KIR3DL2: variants seen among roughly 807,000 people sequenced by gnomAD.
KIR3DL2 encodes killer cell immunoglobulin like receptor, three Ig domains and long cytoplasmic tail 2, also known as killer cell immunoglobulin-like receptor 3DL2.
Under a neutral mutation model 41.6 loss-of-function variants are expected in KIR3DL2, and 42 were observed. The observed-to-expected ratio is 1.01, with a 90% CI of 0.79 to 1.31. The LOEUF (loss-of-function observed/expected upper bound fraction) is 1.31, where lower values mean the gene tolerates loss of function less well. KIR3DL2 is among the 50% of genes most tolerant of loss of function. The pLI is 0.00. For missense variants in KIR3DL2, 728 were observed against 576.8 expected (o/e 1.26, Z -2.68); for synonymous variants, 230 against 221.3 (o/e 1.04, Z -0.35).
rs1376921457 is a variant in KIR3DL2 at position 54,852,292 on chromosome 19, T to A, written c.355+10T>A. 6.2e-7 allele frequency: 1 copy of A among 1,603,488 alleles called. No homozygotes were observed. The highest frequency in any genetic ancestry group is 1.1e-5 in the South Asian group (1 of 90,980). ...GTGATCATGGTCACAGGTCAGAGGC[T>A]TTCTGTCTGGGCTTCTCACTGTCCC... is the stretch of plus-strand genomic sequence containing the variant. On this transcript the variant is annotated intron_variant, in intron 3 of 8. Transcript: ENST00000326321.
At chr19:54,862,399 C>T (rs965577102) in intron 6 of KIR3DL2, among the ~76,000 whole-genome samples, 4 of 152,124 alleles carry the variant, frequency 2.6e-5, no homozygotes, top group Non-Finnish European at 5.9e-5. Flanking sequence ...CTGTACTGCA[C>T]CTGGGCCTAT....
intron 6 of KIR3DL2, among the ~76,000 whole-genome samples, chr19:54,863,811 G>C (rs1368944817): frequency 6.6e-6 from 1 of 151,980 alleles, no homozygotes; most frequent in African/African-American, 2.4e-5. Flanking sequence ...TAGGTTGTCT[G>C]TTCACTCTGA....
At position 54,851,300 on chromosome 19, in the gene KIR3DL2, A is replaced by C. The variant is rs2064212805; in HGVS notation, c.70+45A>C. On this transcript the variant is annotated intron_variant, in intron 2 of 8. Transcript: ENST00000326321. The stretch of plus-strand genomic sequence containing the variant: ...TTAGGGTGTCATCTCCCCACATAAG[A>C]GGATTTTTCTGAAACAGGAGGGAAG... 3.8e-6 allele frequency: 6 copies of C among 1,588,970 alleles called. No homozygotes were observed. In the East Asian group the frequency reaches 1.4e-4, roughly 36 times the overall value.
intron 6 of KIR3DL2, among the ~76,000 whole-genome samples, chr19:54,864,174 T>C: frequency 6.6e-6 from 1 of 152,078 alleles, no homozygotes; most frequent in Non-Finnish European, 1.5e-5. Context: ...TGTAGATATG[T>C]GGCATTATTT....
At position 54,866,571 on chromosome 19, in the gene KIR3DL2, A is replaced by G. The variant is rs2065539669; in HGVS notation, c.1208A>G (p.His403Arg). 1 of 1,613,948 alleles carries G rather than the reference A, an allele frequency of 6.2e-7. No homozygotes were observed. ...GAGGTGACGTACGCACAGTTGGATC[A>G]CTGCGTTTTCATACAGAGAAAAATC... is the stretch of plus-strand genomic sequence containing the variant. ...PQEVTYAQLD[H>R]CVFIQRKISR... The change falls in exon 9 of 9, where the codon CAC becomes CGC. Residue 403 changes from histidine to arginine, a missense_variant. Coordinates refer to ENST00000326321, the MANE Select transcript of KIR3DL2 (RefSeq NM_006737.4).
intron 5 of KIR3DL2, among the ~76,000 whole-genome samples, 195 bp from the exon 6 acceptor site, chr19:54,858,884 C>T (rs1244462623): frequency 4.0e-5 from 6 of 151,796 alleles, no homozygotes; most frequent in Admixed American, 1.3e-4. Context: ...GTGTGATGCT[C>T]CTGTTTTCTC....
chr19:54,856,330 T>C (rs1345374764), intron 5 of KIR3DL2, among the ~76,000 whole-genome samples: 1 of 151,836 alleles, frequency 6.6e-6, no homozygotes, highest in Non-Finnish European at 1.5e-5. Context: ...TGAGGTTAAA[T>C]GTAACTATAT....
At chr19:54,860,439 C>T (rs563084664) in intron 6 of KIR3DL2, among the ~76,000 whole-genome samples, 4 of 152,166 alleles carry the variant, frequency 2.6e-5, no homozygotes, top group South Asian at 2.1e-4. Context: ...GGCATGATCT[C>T]GGCTCACTGC....
chr19:54,862,509 A>G (rs1391149378), intron 6 of KIR3DL2, among the ~76,000 whole-genome samples: 1 of 152,036 alleles, frequency 6.6e-6, no homozygotes, highest in African/African-American at 2.4e-5. Context: ...GCGAGTGACA[A>G]CAGAAGCCTA....
At position 54,851,257 on chromosome 19, in the gene KIR3DL2, T is replaced by C. The variant is rs2064208458; in HGVS notation, c.70+2T>C. On this transcript the variant is annotated splice_donor_variant, in intron 2 of 8. Transcript: ENST00000326321. LOFTEE classifies it high-confidence loss of function. ...TGCAGGGGGCCTGGCCACTCATGGG[T>C]GAGTCCGTCCCCAAACCTTAGGGTG... 5.0e-6 allele frequency: 8 copies of C among 1,608,506 alleles called. No homozygotes were observed. Among genetic ancestry groups the C allele is most frequent in the African/African-American group, 1.4e-5 (1 of 73,694 alleles).
chr19:54,861,889 G>A (rs1158791925), intron 6 of KIR3DL2, among the ~76,000 whole-genome samples: 3 of 151,738 alleles, frequency 2.0e-5, no homozygotes, highest in Non-Finnish European at 2.9e-5. Flanking sequence ...AAAGTGCTCT[G>A]TTCATCACAA....
intron 3 of KIR3DL2, 102 bp from the exon 4 acceptor site, chr19:54,853,645 G>A (rs2064479876): frequency 2.2e-6 from 3 of 1,341,646 alleles, no homozygotes; most frequent in Non-Finnish European, 3.1e-6. Flanking sequence ...AGAGAGGGAG[G>A]AGAGAGACAG....
At chr19:54,860,246 T>C (rs2065077583) in intron 6 of KIR3DL2, among the ~76,000 whole-genome samples, 1 of 152,126 alleles carries the variant, frequency 6.6e-6, no homozygotes, top group South Asian at 2.1e-4. Context: ...GCATTTGGCC[T>C]CTGTTCTTGG....
At chr19:54,853,661 T>G (rs1415142065) in intron 3 of KIR3DL2, 86 bp from the exon 4 acceptor site, 7 of 1,476,788 alleles carry the variant, frequency 4.7e-6, no homozygotes, top group East Asian at 2.4e-5. Context: ...GACAGACCTC[T>G]GGGAGGGGAA....
intron 6 of KIR3DL2, among the ~76,000 whole-genome samples, chr19:54,864,943 A>G (rs1009133415): frequency 1.5e-4 from 23 of 152,102 alleles, no homozygotes; most frequent in Non-Finnish European, 3.1e-4. Context: ...GCCAGTTTTC[A>G]AAGGGAATGC....
chr19:54,859,468 A>T (rs956635814), intron 6 of KIR3DL2, among the ~76,000 whole-genome samples: 4 of 150,444 alleles, frequency 2.7e-5, no homozygotes, highest in African/African-American at 9.8e-5. Context: ...GGAAGGGAAC[A>T]TCTGATGAGG....
chr19:54,857,930 A>T (rs1601784102), intron 5 of KIR3DL2, among the ~76,000 whole-genome samples: 2 of 151,904 alleles, frequency 1.3e-5, no homozygotes, highest in African/African-American at 2.4e-5. Context: ...ACTTTTTCAT[A>T]TACGTGATCG....
chr19:54,850,457 T>G lies in KIR3DL2; in HGVS notation c.-19T>G. The G allele has an allele frequency of 6.2e-7, 1 of 1,608,622 alleles. No individual in the cohort carries two copies. Among genetic ancestry groups the G allele is most frequent in the Admixed American group, 1.7e-5 (1 of 60,008 alleles). On this transcript the variant is annotated 5_prime_UTR_variant, in exon 1 of 9. Transcript: ENST00000326321. ...TGAGCTGAGCTGGGGCGCGGCCTCC[T>G]GTCTGCACCGGCAGCACCATGTCGC... is the stretch of plus-strand genomic sequence containing the variant.
At chr19:54,854,324 A>G (rs1380841676) in intron 4 of KIR3DL2, among the ~76,000 whole-genome samples, 2 of 151,894 alleles carry the variant, frequency 1.3e-5, no homozygotes, top group East Asian at 1.9e-4. Context: ...GCCAGAGAGA[A>G]GTGTCCTTCC....
Sources: gnomAD v4.1 joint callset for allele counts (sites outside exome capture counted in the v4.1 genomes callset) on GRCh38, gnomAD v4.1.1 for gene constraint, MANE v1.5 for transcripts, NCBI Gene and HGNC (gene_info 2026-07-23, HGNC 2026-07-21) for gene names.